RECK: variants seen among roughly 807,000 people sequenced by gnomAD.
The protein encoded by RECK is reversion inducing cysteine rich protein with kazal motifs.
RECK carries 69 observed loss-of-function variants against 115.1 expected under a neutral mutation model. The ratio of observed to expected loss-of-function variants is 0.60; its 90% CI spans 0.49 to 0.73. The LOEUF is 0.73. RECK is among the 30% of genes least tolerant of loss of function. RECK has a pLI of 0.00. For missense variants in RECK, 1,047 were observed against 1,203.7 expected (o/e 0.87, Z 1.93); for synonymous variants, 414 against 419.7 (o/e 0.99, Z 0.17).
chr9:36,086,765 C>T (rs1264890807), intron 8 of RECK, among the ~76,000 whole-genome samples: 1 of 152,234 alleles, frequency 6.6e-6, no homozygotes, highest in Non-Finnish European at 1.5e-5. Flanking sequence ...CAGCCGGCTT[C>T]ACCTCTCAAT....
intron 1 of RECK, among the ~76,000 whole-genome samples, chr9:36,045,481 C>G (rs1336412791): frequency 6.6e-6 from 1 of 151,862 alleles, no homozygotes; most frequent in Non-Finnish European, 1.5e-5. Context: ...GTAATACACA[C>G]TCAATGCACG....
intron 10 of RECK, among the ~76,000 whole-genome samples, chr9:36,097,568 C>T (rs1004959168): frequency 6.6e-6 from 1 of 152,102 alleles, no homozygotes; most frequent in African/African-American, 2.4e-5. Flanking sequence ...AAGTCTTGTA[C>T]ACTGTTGATG....
At chr9:36,099,305 A>G (rs1823473202) in intron 10 of RECK, among the ~76,000 whole-genome samples, 1 of 152,192 alleles carries the variant, frequency 6.6e-6, no homozygotes, top group Admixed American at 6.5e-5. Flanking sequence ...AACATGTGAT[A>G]CAACAACAGA....
intron 6 of RECK, 82 bp from the exon 7 acceptor site, chr9:36,080,522 TC>T: frequency 9.1e-7 from 1 of 1,096,804 alleles, no homozygotes. Context: ...TATCATGATT[TC>T]CATGTAACCA....
intron 1 of RECK, among the ~76,000 whole-genome samples, chr9:36,040,489 G>C (rs561484624): frequency 2.6e-5 from 4 of 152,262 alleles, no homozygotes; most frequent in African/African-American, 9.6e-5. Context: ...GCTAGGGCTA[G>C]ATGGTGCAGA....
chr9:36,073,241 G>GACACACACACACACACACACACAC (rs778489595), intron 6 of RECK, among the ~76,000 whole-genome samples: 4 of 67,552 alleles, frequency 5.9e-5, no homozygotes, highest in East Asian at 4.3e-4. Flanking sequence ...GACACACACA[G>GACACACACACACACACACACACAC]ACACACACAC....
intron 2 of RECK, among the ~76,000 whole-genome samples, chr9:36,054,722 G>C (rs1390071833): frequency 6.6e-6 from 1 of 151,884 alleles, no homozygotes; most frequent in Non-Finnish European, 1.5e-5. Flanking sequence ...AATATTTACA[G>C]TTATGTAATT....
chr9:36,103,130 G>C (rs979283299), intron 12 of RECK, among the ~76,000 whole-genome samples: 1 of 152,116 alleles, frequency 6.6e-6, no homozygotes, highest in Non-Finnish European at 1.5e-5. Context: ...CATACATGGT[G>C]GAAACCAGGG....
At chr9:36,112,255 G>A (rs1027543491) in intron 15 of RECK, 50 bp from the exon 16 acceptor site, 2 of 1,568,686 alleles carry the variant, frequency 1.3e-6, no homozygotes, top group Non-Finnish European at 1.7e-6. Context: ...AAATATAAGG[G>A]GAGGGGGAAT....
intron 12 of RECK, among the ~76,000 whole-genome samples, chr9:36,104,305 T>C (rs1823687464): frequency 1.6e-5 from 1 of 62,848 alleles, no homozygotes; most frequent in Non-Finnish European, 2.8e-5. Flanking sequence ...TATATATATA[T>C]ATATATATAT....
At chr9:36,069,922 C>T (rs1240192035) in intron 6 of RECK, among the ~76,000 whole-genome samples, 1 of 152,126 alleles carries the variant, frequency 6.6e-6, no homozygotes, top group African/African-American at 2.4e-5. Flanking sequence ...CAGAGGAAGC[C>T]AGAAGACAGT....
rs552941942 is a variant in RECK, at chr9:36,095,066, G to A, written c.1085+3723G>A. ...CCAAATATTTGGTAATTAAACAAACGCTTCTAAATAATTTATGCAACAAAG... is the reference window on the plus strand; with the variant it reads ...CCAAATATTTGGTAATTAAACAAACACTTCTAAATAATTTATGCAACAAAG... On this transcript the variant is annotated intron_variant, in intron 10 of 20. Coordinates refer to ENST00000377966, the MANE Select transcript of RECK (RefSeq NM_021111.3). 7.2e-4 allele frequency among the ~76,000 whole-genome samples: 109 copies of A among 152,158 alleles called. 3 individuals carry two copies. In the South Asian group the frequency reaches 0.016, roughly 22 times the overall value.
intron 13 of RECK, among the ~76,000 whole-genome samples, chr9:36,106,178 C>A (rs1442464023): frequency 6.8e-6 from 1 of 147,812 alleles, no homozygotes; most frequent in Non-Finnish European, 1.5e-5. Context: ...CCACTGCACT[C>A]CAGCCTGCCG....
At chr9:36,054,499 T>TAAA (rs56001338) in intron 2 of RECK, among the ~76,000 whole-genome samples, 157 of 127,178 alleles carry the variant, frequency 1.2e-3, no homozygotes, top group Middle Eastern at 4.1e-3. Flanking sequence ...GCCCTTAGTT[T>TAAA]AAAAAAAAAA....
intron 4 of RECK, among the ~76,000 whole-genome samples, chr9:36,063,239 T>C (rs1821855753): frequency 6.6e-6 from 1 of 152,208 alleles, no homozygotes; most frequent in African/African-American, 2.4e-5. Context: ...GAATAATACA[T>C]GGTCATTTTG....
chr9:36,118,851 A>T lies in RECK; in HGVS notation c.2348A>T (p.Tyr783Phe). The T allele has an allele frequency of 6.2e-7, 1 of 1,614,170 alleles. No individual in the cohort carries two copies. The highest frequency in any genetic ancestry group is 8.5e-7 in the Non-Finnish European group (1 of 1,180,040). Reference sequence around the variant, plus strand: ...TACTCGGATCGCGTGGCAGTCGATTACTATGGGGACTGCCAGGCCGTCGGA... The same window carrying T: ...TACTCGGATCGCGTGGCAGTCGATTTCTATGGGGACTGCCAGGCCGTCGGA... ...AAYSDRVAVD[Y>F]YGDCQAVGVL... Residue 783 changes from tyrosine to phenylalanine, a missense_variant, in exon 18 of 21, where the codon TAC becomes TTC. Physicochemically the swap from Tyr to Phe is conservative, Grantham distance 22. Coordinates refer to ENST00000377966, the MANE Select transcript of RECK (RefSeq NM_021111.3).
chr9:36,047,898 C>A (rs1821128705), intron 1 of RECK, among the ~76,000 whole-genome samples: 1 of 150,800 alleles, frequency 6.6e-6, no homozygotes, highest in Non-Finnish European at 1.5e-5. Context: ...TAGACCCTGT[C>A]GTTGTTTTAT....
At chr9:36,050,103 A>G (rs1821229409) in intron 1 of RECK, among the ~76,000 whole-genome samples, 1 of 152,180 alleles carries the variant, frequency 6.6e-6, no homozygotes, top group African/African-American at 2.4e-5. Context: ...TCATGGCTTT[A>G]AATATCATCT....
At chr9:36,074,698 C>T (rs190297336) in intron 6 of RECK, among the ~76,000 whole-genome samples, 12 of 152,204 alleles carry the variant, frequency 7.9e-5, no homozygotes, top group African/African-American at 2.6e-4. Flanking sequence ...ATCAGCTTTA[C>T]GTGGAAACTC....
Sources: gnomAD v4.1 joint callset for allele counts (sites outside exome capture counted in the v4.1 genomes callset) on GRCh38, gnomAD v4.1.1 for gene constraint, MANE v1.5 for transcripts, NCBI Gene and HGNC (gene_info 2026-07-23, HGNC 2026-07-21) for gene names.